Variants in SLC22A5 observed in about 807,000 individuals in gnomAD.
The protein encoded by SLC22A5 is organic cation/carnitine transporter 2.
In SLC22A5, 44 loss-of-function variants were observed where a neutral mutation model predicts 56.7. That is an observed-to-expected ratio of 0.78 (90% CI 0.61 to 1.00). The LOEUF is 1.00. Among genes scored for constraint, SLC22A5 ranks in the 50% least tolerant of loss-of-function variants. SLC22A5 has a pLI of 0.00. For missense variants in SLC22A5, 675 were observed against 723.0 expected, an observed-to-expected ratio of 0.93 and a Z score of 0.76; for synonymous variants, 278 against 292.1, an observed-to-expected ratio of 0.95 and a Z score of 0.49.
chr5:132,382,039 C>T (rs928156992), intron 2 of SLC22A5: 3 of 152,128 alleles, frequency 2.0e-5, no homozygotes, highest in Non-Finnish European at 4.4e-5. Flanking sequence ...TTCTCAACCT[C>T]GACCCTATTA....
At chr5:132,392,264 A>C (rs975569661) in intron 7 of SLC22A5, among the ~76,000 whole-genome samples, 169 bp from the exon 8 acceptor site, 1 of 152,226 alleles carries the variant, frequency 6.6e-6, no homozygotes, top group Non-Finnish European at 1.5e-5. Flanking sequence ...GCCTCCTTTC[A>C]GCAATCAATT....
rs886043206 is a variant in SLC22A5 at position 132,370,007 on chromosome 5, G to A, written c.35G>A (p.Gly12Asp). ...RDYDEVTAFL[G>D]EWGPFQRLIF... is the part of the protein sequence containing the mutation. ...TACGACGAGGTGACCGCCTTCCTGGGCGAGTGGGGGCCCTTCCAGCGCCTC... is the reference window on the plus strand; with the variant it reads ...TACGACGAGGTGACCGCCTTCCTGGACGAGTGGGGGCCCTTCCAGCGCCTC... Residue 12 changes from glycine (G) to aspartate (D), a missense_variant, in exon 1 of 10, where the codon GGC becomes GAC. Transcript: ENST00000245407. The A allele has an allele frequency of 2.5e-6, 4 of 1,613,326 alleles. No individual in the cohort carries two copies. The highest frequency in any genetic ancestry group is 3.4e-6 in the Non-Finnish European group (4 of 1,179,718).
intron 3 of SLC22A5, among the ~76,000 whole-genome samples, chr5:132,384,758 G>T (rs979132894): frequency 7.2e-5 from 11 of 152,180 alleles, no homozygotes; most frequent in African/African-American, 2.7e-4. Context: ...CTACGGACAA[G>T]AATAAATTGA....
At chr5:132,371,241 C>T (rs896095304) in intron 1 of SLC22A5, among the ~76,000 whole-genome samples, 4 of 152,104 alleles carry the variant, frequency 2.6e-5, no homozygotes, top group Admixed American at 6.6e-5. Context: ...GGATTACAAC[C>T]GTGAGCCACC....
Position 132,378,434 on chromosome 5 carries a change from C to T in SLC22A5, c.450C>T (p.Phe150=), listed in dbSNP as rs756089971. ...WKAPLTISLF[F]VGVLLGSFIS... is the part of the protein sequence containing the mutation. ...CCCCACTCACAATCTCCTTGTTCTT[C>T]GTGGGTGTGCTGTTGGGCTCCTTCA... The change falls in exon 2 of 10, where the codon TTC becomes TTT. Residue 150 remains phenylalanine (F), a synonymous_variant. Coordinates refer to ENST00000245407, the MANE Select transcript of SLC22A5 (RefSeq NM_003060.4). 5.6e-6 allele frequency: 9 copies of T among 1,614,086 alleles called. No homozygotes were observed. The highest frequency in any genetic ancestry group is 2.2e-5 in the East Asian group (1 of 44,900).
Position 132,378,409 on chromosome 5 carries a change from C to T in SLC22A5, c.425C>T (p.Ala142Val). 1.9e-6 allele frequency: 3 copies of T among 1,614,134 alleles called. No individual in the cohort carries two copies. The highest frequency in any genetic ancestry group is 2.5e-6 in the Non-Finnish European group (3 of 1,179,964). Residue 142 changes from alanine to valine, a missense_variant, in exon 2 of 10, where the codon GCC (alanine) becomes GTC (valine). Ala to Val is a moderately conservative substitution (Grantham distance 64, BLOSUM62 0). Transcript: ENST00000245407. ...CTGGTGTGTGAGGACGACTGGAAGG[C>T]CCCACTCACAATCTCCTTGTTCTTC... ...WNLVCEDDWKAPLTISLFFVG... is the reference protein window; with the variant it reads ...WNLVCEDDWKVPLTISLFFVG...
rs746618459 is a variant in SLC22A5 at position 132,384,226 on chromosome 5, TTTGAGATGTTTGTCGTGCTGTTTG to T, written c.579_602del (p.Glu194_Val201del). ...CTTCCTGCAGATCTTCTCGAAGAAT[TTTGAGATGTTTGTCGTGCTGTTTG>T]TCCTTGTAGGCATGGGCCAGATCTC... On this transcript the variant is annotated inframe_deletion, in exon 3 of 10. Coordinates refer to ENST00000245407, the MANE Select transcript of SLC22A5 (RefSeq NM_003060.4). 1 of 1,614,202 alleles carries T rather than the reference TTTGAGATGTTTGTCGTGCTGTTTG, an allele frequency of 6.2e-7. No individual in the cohort carries two copies. The highest frequency in any genetic ancestry group is 1.7e-5 in the Admixed American group (1 of 60,016).
rs538340266 is a variant in SLC22A5 at position 132,392,337 on chromosome 5, C to A, written c.1268-96C>A. 3.4e-6 allele frequency: 4 copies of A among 1,180,950 alleles called. No individual in the cohort carries two copies. The Admixed American group carries it at 5.1e-5, about 15-fold the overall frequency. The allele number at this position is 1,180,950 out of a possible 1,614,324, so 73.2% of individuals were successfully genotyped here. On this transcript the variant is annotated intron_variant, in intron 7 of 9. Transcript: ENST00000245407. ...TAGGAAGTGATAGAAACTGACTCCC[C>A]AAAAAATTTGGGAAGAAAGTATGTT...
At chr5:132,393,847 G>C in intron 9 of SLC22A5, 36 bp downstream of exon 9, 1 of 1,612,850 alleles carries the variant, frequency 6.2e-7, no homozygotes, top group Non-Finnish European at 8.5e-7. Context: ...TGATGCACTG[G>C]GTCTGGGTCT....
rs386134218 is a variant in SLC22A5 at position 132,392,505 on chromosome 5, A to G, written c.1340A>G (p.Tyr447Cys). The change falls in exon 8 of 10, where the codon TAC becomes TGC. Residue 447 changes from tyrosine to cysteine, a missense_variant. Transcript: ENST00000245407. ...FGVTAAFSMV[Y>C]VYTAELYPTV... ...GTCACGGCTGCCTTTTCCATGGTCT[A>G]CGTGTACACAGCCGAGCTGTATCCC... The G allele has an allele frequency of 6.2e-6, 10 of 1,613,996 alleles. No homozygotes were observed. Among genetic ancestry groups the G allele is most frequent in the Non-Finnish European group, 8.5e-6 (10 of 1,180,012 alleles).
rs35295663 is a variant in SLC22A5 at position 132,392,216 on chromosome 5, G to C, written c.1268-217G>C. Reference sequence around the variant, plus strand: ...AGGAGCTTACTCTGGTGGTCTCCAGGTTGAGGAAAGTGCATGTCCTTATAG... The same window carrying C: ...AGGAGCTTACTCTGGTGGTCTCCAGCTTGAGGAAAGTGCATGTCCTTATAG... On this transcript the variant is annotated intron_variant, in intron 7 of 9. Coordinates refer to ENST00000245407, the MANE Select transcript of SLC22A5 (RefSeq NM_003060.4). 0.049 allele frequency among the ~76,000 whole-genome samples: 7,512 copies of C among 152,262 alleles called. 239 individuals are homozygous for C. The highest frequency in any genetic ancestry group is 0.073 in the Non-Finnish European group (4,944 of 68,002).
chr5:132,385,294 A>G, intron 3 of SLC22A5, 34 bp from the exon 4 acceptor site: 1 of 1,601,524 alleles, frequency 6.2e-7, no homozygotes, highest in Non-Finnish European at 8.6e-7. Flanking sequence ...AACCCAAATT[A>G]AACTGCTAAC....
rs557809028 is a variant in SLC22A5, at chr5:132,394,468, A to G, written c.*196A>G. On this transcript the variant is annotated 3_prime_UTR_variant, in exon 10 of 10. Coordinates refer to ENST00000245407, the MANE Select transcript of SLC22A5 (RefSeq NM_003060.4). ...CCTAGAGCACCACCTTCCTCTAGGG[A>G]CACTGGGGCTACCTACAGACAACTT... The G allele has an allele frequency of 1.1e-5, 7 of 617,790 alleles. No homozygotes were observed. The Admixed American group carries it at 1.2e-4, about 10-fold the overall frequency. 38.3% of individuals were successfully genotyped at this position (617,790 alleles called of 1,614,324 possible).
intron 1 of SLC22A5, among the ~76,000 whole-genome samples, chr5:132,371,060 A>G (rs1338621031): frequency 6.6e-6 from 1 of 150,622 alleles, no homozygotes; most frequent in East Asian, 2.0e-4. Context: ...GCTCACTGCA[A>G]TCTTCGCCTT....
At position 132,369,825 on chromosome 5, in the gene SLC22A5, T is replaced by C. The variant is rs959825329; in HGVS notation, c.-148T>C. ...AGCCGCGGCAGGACCAAGGCGGCGG[T>C]GTCAGCTCGCGAGCCTACCCTCCGC... On this transcript the variant is annotated 5_prime_UTR_variant, in exon 1 of 10. Transcript: ENST00000245407. 15 of 993,996 alleles carry C rather than the reference T, an allele frequency of 1.5e-5. No homozygotes were observed. The highest frequency in any genetic ancestry group is 6.6e-4 in the Middle Eastern group (2 of 3,024). The allele number at this position is 993,996 out of a possible 1,614,324, so 61.6% of individuals were successfully genotyped here.
chr5:132,378,431 C>A lies in SLC22A5; in HGVS notation c.447C>A (p.Phe149Leu), dbSNP rs780989844. Residue 149 changes from phenylalanine (F) to leucine (L), a missense_variant, in exon 2 of 10, where the codon TTC becomes TTA. By Grantham distance (22) the Phe-to-Leu change is conservative. Coordinates refer to ENST00000245407, the MANE Select transcript of SLC22A5 (RefSeq NM_003060.4). ...AGGCCCCACTCACAATCTCCTTGTT[C>A]TTCGTGGGTGTGCTGTTGGGCTCCT... is the stretch of plus-strand genomic sequence containing the variant. ...DWKAPLTISL[F>L]FVGVLLGSFI... is the part of the protein sequence containing the mutation. 2 of 1,614,246 alleles carry A rather than the reference C, an allele frequency of 1.2e-6. No individual in the cohort carries two copies. Among genetic ancestry groups the A allele is most frequent in the Non-Finnish European group, 1.7e-6 (2 of 1,180,050 alleles).
chr5:132,381,590 T>C (rs1397285370), intron 2 of SLC22A5: 1 of 152,254 alleles, frequency 6.6e-6, no homozygotes, highest in African/African-American at 2.4e-5. Context: ...TTATATAGTA[T>C]AAAGGTTTCA....
At chr5:132,388,355 G>A (rs761161925) in intron 5 of SLC22A5, among the ~76,000 whole-genome samples, 4 of 152,174 alleles carry the variant, frequency 2.6e-5, no homozygotes, top group Non-Finnish European at 2.9e-5. Flanking sequence ...GTGTTTAGAC[G>A]TGTGGTTTAT....
At chr5:132,384,605 CA>C (rs1485077928) in intron 3 of SLC22A5, among the ~76,000 whole-genome samples, 2 of 152,194 alleles carry the variant, frequency 1.3e-5, no homozygotes, top group Admixed American at 6.5e-5. Flanking sequence ...AGAGATCCTC[CA>C]TTTACAAAAA....
Sources: gnomAD v4.1 joint callset for allele counts (sites outside exome capture counted in the v4.1 genomes callset) on GRCh38, gnomAD v4.1.1 for gene constraint, MANE v1.5 for transcripts, NCBI Gene and HGNC (gene_info 2026-07-23, HGNC 2026-07-21) for gene names.